The following MSH6 variants were observed in gnomAD, a reference collection of about 807,000 sequenced individuals.
MSH6 encodes mutS homolog 6, also known as DNA mismatch repair protein Msh6.
MSH6 carries 85 observed loss-of-function variants against 119.1 expected under a neutral mutation model. The observed-to-expected ratio is 0.71, with a 90% CI of 0.60 to 0.85. MSH6 has a LOEUF of 0.85. MSH6 is among the 40% of genes least tolerant of loss of function. MSH6 has a pLI of 0.00. For synonymous variants in MSH6, 830 were observed against 586.9 expected (o/e 1.41, Z -5.99); for missense variants, 2,163 against 1,655.3 (o/e 1.31, Z -5.32).
chr2:47,788,078 C>G (rs1469614656), intron 1 of MSH6, among the ~76,000 whole-genome samples: 1 of 151,904 alleles, frequency 6.6e-6, no homozygotes, highest in Non-Finnish European at 1.5e-5. Flanking sequence ...ATTTTACTAC[C>G]TGTTTAATTA....
chr2:47,799,112 A>G lies in MSH6; in HGVS notation c.1129A>G (p.Lys377Glu). 1 of 1,614,128 alleles carries G rather than the reference A, an allele frequency of 6.2e-7. No homozygotes were observed. The highest frequency in any genetic ancestry group is 8.5e-7 in the Non-Finnish European group (1 of 1,180,012). ...AACTTTAGAATGGCTTAAGGAGGAAAAGAGAAGAGATGAGCACAGGAGGAG... is the reference window on the plus strand; with the variant it reads ...AACTTTAGAATGGCTTAAGGAGGAAGAGAGAAGAGATGAGCACAGGAGGAG... ...HETLEWLKEE[K>E]RRDEHRRRPD... The change falls in exon 4 of 10, where the codon AAG becomes GAG. Residue 377 changes from lysine (K) to glutamate (E), a missense_variant. Physicochemically the swap from Lys to Glu is moderately conservative, Grantham distance 56. Transcript: ENST00000234420.
chr2:47,783,948 A>T, intron 1 of MSH6: 1 of 1,024,646 alleles, frequency 9.8e-7, no homozygotes, highest in Non-Finnish European at 1.2e-6. Flanking sequence ...GGGAGGCCGA[A>T]CGGGGAGAGT....
intron 1 of MSH6, among the ~76,000 whole-genome samples, chr2:47,787,759 A>G (rs1037729572): frequency 6.6e-6 from 1 of 152,020 alleles, no homozygotes; most frequent in Non-Finnish European, 1.5e-5. Flanking sequence ...TGGGACCCCA[A>G]GTGCACACCA....
intron 3 of MSH6, among the ~76,000 whole-genome samples, chr2:47,797,224 C>G (rs1257699122): frequency 6.6e-6 from 1 of 152,196 alleles, no homozygotes; most frequent in Non-Finnish European, 1.5e-5. Flanking sequence ...ATCCTCTGAT[C>G]TATCATATTA....
intron 1 of MSH6, among the ~76,000 whole-genome samples, chr2:47,789,052 A>T (rs1051274842): frequency 6.8e-6 from 1 of 148,034 alleles, no homozygotes; most frequent in Non-Finnish European, 1.5e-5. Context: ...CAGGCTCCCA[A>T]GTAGCTGGGA....
rs1315876988 is a variant in MSH6, at chr2:47,800,602, G to C, written c.2619G>C (p.Gly873=). ...TCAAAGTAATGTGTAAAATTATAGG[G>C]ATCATGGAAGAAGTTGCTGATGGTT... ...EGFKVMCKII[G]IMEEVADGFK... Residue 873 remains glycine, a synonymous_variant, in exon 4 of 10, where the codon GGG becomes GGC. Transcript: ENST00000234420. The C allele has an allele frequency of 1.2e-6, 2 of 1,614,114 alleles. No individual in the cohort carries two copies. Among genetic ancestry groups the C allele is most frequent in the East Asian group, 2.2e-5 (1 of 44,878 alleles).
chr2:47,809,568 T>C (rs2104625460), downstream of MSH6: 4 of 1,445,784 alleles, frequency 2.8e-6, no homozygotes, highest in Non-Finnish European at 3.8e-6. Context: ...GCATATTGCA[T>C]ATATTTATAG....
rs767064953 is a variant in MSH6, at chr2:47,799,810, A to G, written c.1827A>G (p.Leu609=). 5.0e-6 allele frequency: 8 copies of G among 1,614,228 alleles called. No individual in the cohort carries two copies. Among genetic ancestry groups the G allele is most frequent in the Middle Eastern group, 1.6e-4 (1 of 6,062 alleles). ...GNLSKETKTI[L]KSSLSCSLQE... is the part of the protein sequence containing the mutation. ...TCTCAAAGGAAACTAAAACAATTCT[A>G]AAGAGTTCATTGTCCTGTTCTCTTC... is the stretch of plus-strand genomic sequence containing the variant. The change falls in exon 4 of 10, where the codon CTA becomes CTG. Residue 609 remains leucine (L), a synonymous_variant. Coordinates refer to ENST00000234420, the MANE Select transcript of MSH6 (RefSeq NM_000179.3).
chr2:47,794,444 G>C (rs1000995838), intron 2 of MSH6, among the ~76,000 whole-genome samples: 2 of 151,606 alleles, frequency 1.3e-5, no homozygotes, highest in African/African-American at 4.8e-5. Context: ...GCTAATTTTT[G>C]TATTTTTAGG....
intron 2 of MSH6, among the ~76,000 whole-genome samples, chr2:47,793,472 A>G (rs1309415619): frequency 2.6e-5 from 4 of 151,426 alleles, no homozygotes; most frequent in South Asian, 4.2e-4. Flanking sequence ...TACTAAAAAT[A>G]CAAAAATAAG....
At chr2:47,789,060 G>A (rs1668567486) in intron 1 of MSH6, among the ~76,000 whole-genome samples, 1 of 150,196 alleles carries the variant, frequency 6.7e-6, no homozygotes, top group African/African-American at 2.5e-5. Context: ...CAAGTAGCTG[G>A]GATTATAGGC....
In MSH6 at chr2:47,801,066, C is replaced by T. The variant is rs876660853; in HGVS notation, c.3083C>T (p.Ser1028Leu). Residue 1028 changes from serine to leucine, a missense_variant, in exon 4 of 10, where the codon TCA becomes TTA. Physicochemically the swap from Ser to Leu is moderately radical, Grantham distance 145. Transcript: ENST00000234420. Reference sequence around the variant, plus strand: ...AATGCTGAAGAACGGAGGGATGTATCATTGAAGGACTGCATGCGGCGACTG... The same window carrying T: ...AATGCTGAAGAACGGAGGGATGTATTATTGAAGGACTGCATGCGGCGACTG... ...LINAEERRDVSLKDCMRRLFY... is the reference protein window; with the variant it reads ...LINAEERRDVLLKDCMRRLFY... 1 of 1,607,236 alleles carries T rather than the reference C, an allele frequency of 6.2e-7. No homozygotes were observed. Among genetic ancestry groups the T allele is most frequent in the Non-Finnish European group, 8.5e-7 (1 of 1,176,842 alleles).
At position 47,806,910 on chromosome 2, in the gene MSH6, T is replaced by TCAGA. The variant is rs1397050672; in HGVS notation, c.*53_*56dup. On this transcript the variant is annotated 3_prime_UTR_variant, in exon 10 of 10. Transcript: ENST00000234420. ...TTGACTTCTGACAAAGGTGGTAAAT[T>TCAGA]CAGACAACATTATGATCTAATAAAC... is the stretch of plus-strand genomic sequence containing the variant. The TCAGA allele has an allele frequency of 3.1e-6, 4 of 1,307,352 alleles. No individual in the cohort carries two copies. Among genetic ancestry groups the TCAGA allele is most frequent in the Non-Finnish European group, 4.4e-6 (4 of 902,682 alleles). The allele number at this position is 1,307,352 out of a possible 1,614,324, so 81.0% of individuals were successfully genotyped here.
chr2:47,795,935 A>G lies in MSH6; in HGVS notation c.499A>G (p.Ser167Gly), dbSNP rs2104231027. ...AGCCCAGAAGGGAGGTCATTTTTAC[A>G]GTGCAAAGCCTGAAATACTGAGAGC... ...KEAQKGGHFYSAKPEILRAMQ... is the reference protein window; with the variant it reads ...KEAQKGGHFYGAKPEILRAMQ... The change falls in exon 3 of 10, where the codon AGT becomes GGT. Residue 167 changes from serine (S) to glycine (G), a missense_variant. Transcript: ENST00000234420. 6.2e-7 allele frequency: 1 copy of G among 1,614,168 alleles called. No homozygotes were observed. Among genetic ancestry groups the G allele is most frequent in the African/African-American group, 1.3e-5 (1 of 75,062 alleles).
chr2:47,791,037 G>A lies in MSH6; in HGVS notation c.371G>A (p.Gly124Glu), dbSNP rs1553410286. The A allele has an allele frequency of 3.1e-6, 5 of 1,614,070 alleles. No individual in the cohort carries two copies. The highest frequency in any genetic ancestry group is 4.2e-6 in the Non-Finnish European group (5 of 1,180,040). Residue 124 changes from glycine to glutamate, a missense_variant, in exon 2 of 10, where the codon GGG (glycine) becomes GAG (glutamate). Transcript: ENST00000234420. ...GATGGAACATTCATCCGCGAGAAAGGGAAATCAGTCCGTGTTCATGTACAG... is the reference window on the plus strand; with the variant it reads ...GATGGAACATTCATCCGCGAGAAAGAGAAATCAGTCCGTGTTCATGTACAG... ...PFDGTFIREK[G>E]KSVRVHVQFF...
chr2:47,797,880 C>G (rs1669192487), intron 3 of MSH6: 1 of 229,056 alleles, frequency 4.4e-6, no homozygotes, highest in Non-Finnish European at 9.1e-6. Context: ...CTCTTAATAG[C>G]TAGCATTCCC....
At chr2:47,808,106 T>C (rs373008426), downstream of MSH6, 226 of 1,594,910 alleles carry the variant, frequency 1.4e-4, no homozygotes, top group Admixed American at 4.6e-4. Context: ...ACTTTTTCTT[T>C]AGGGAAGGAA....
intron 2 of MSH6, among the ~76,000 whole-genome samples, chr2:47,793,757 G>T (rs1369860960): frequency 6.6e-6 from 1 of 150,818 alleles, no homozygotes; most frequent in Admixed American, 6.6e-5. Context: ...TTGCAGCGGA[G>T]TCCAGCTTTA....
intron 1 of MSH6, chr2:47,784,055 T>A: frequency 9.9e-7 from 1 of 1,012,278 alleles, no homozygotes; most frequent in Non-Finnish European, 1.2e-6. Flanking sequence ...TAGAGGTAGT[T>A]AAGAGCCGCG....
Sources: gnomAD v4.1 joint callset for allele counts (sites outside exome capture counted in the v4.1 genomes callset) on GRCh38, gnomAD v4.1.1 for gene constraint, MANE v1.5 for transcripts, NCBI Gene and HGNC (gene_info 2026-07-23, HGNC 2026-07-21) for gene names.